The following STARD13 variants were observed in gnomAD, a reference collection of about 807,000 sequenced individuals.
The protein encoded by STARD13 is stAR-related lipid transfer protein 13.
A neutral mutation model predicts 106.4 loss-of-function variants in STARD13; 62 were observed. The observed-to-expected ratio is 0.58, with a 90% CI of 0.48 to 0.72. The LOEUF (loss-of-function observed/expected upper bound fraction) is 0.72, where lower values mean the gene tolerates loss of function less well. Ranked by LOEUF, STARD13 falls within the 30% of genes least tolerant of loss-of-function variation. The pLI, the probability that STARD13 is intolerant of heterozygous loss-of-function variation, is 0.00. For synonymous variants in STARD13, 565 were observed against 553.0 expected (o/e 1.02, Z -0.31); for missense variants, 1,387 against 1,424.0 (o/e 0.97, Z 0.42).
At chr13:33,536,459 C>A in the STARD13 span, among the ~76,000 whole-genome samples, 1 of 152,282 alleles carries the variant, frequency 6.6e-6, no homozygotes, top group East Asian at 1.9e-4. Flanking sequence ...ATTTTCCCAT[C>A]ATGGGAGAGT....
intron 1 of STARD13, among the ~76,000 whole-genome samples, chr13:33,230,231 A>G (rs992966097): frequency 3.3e-5 from 5 of 152,238 alleles, no homozygotes; most frequent in African/African-American, 9.6e-5. Context: ...CAGCTGCAAC[A>G]TAAGATCATC....
chr13:33,322,165 G>A (rs1893585690), intron 1 of STARD13, among the ~76,000 whole-genome samples: 1 of 152,172 alleles, frequency 6.6e-6, no homozygotes, highest in South Asian at 2.1e-4. Context: ...ATTTACCAAT[G>A]TTATATACTG....
chr13:33,341,278 A>G (rs1405377599), intron 1 of STARD13, among the ~76,000 whole-genome samples: 1 of 152,196 alleles, frequency 6.6e-6, no homozygotes, highest in African/African-American at 2.4e-5. Flanking sequence ...TTCATTAGAC[A>G]TGCTCTATGT....
At chr13:33,253,725 T>C (rs1890200211) in intron 1 of STARD13, among the ~76,000 whole-genome samples, 1 of 152,028 alleles carries the variant, frequency 6.6e-6, no homozygotes, top group South Asian at 2.1e-4. Context: ...ATGGCGTTGA[T>C]TCTACTGATT....
chr13:33,304,473 C>T (rs937373694), intron 1 of STARD13, among the ~76,000 whole-genome samples: 1 of 152,096 alleles, frequency 6.6e-6, no homozygotes, highest in Non-Finnish European at 1.5e-5. Context: ...CATCTGTCAA[C>T]ATTCCATGTA....
At chr13:33,270,341 T>C (rs1430028710) in intron 1 of STARD13, among the ~76,000 whole-genome samples, 1 of 152,166 alleles carries the variant, frequency 6.6e-6, no homozygotes, top group Non-Finnish European at 1.5e-5. Flanking sequence ...CAAATATAGT[T>C]ATATTTTGGT....
intron 1 of STARD13, among the ~76,000 whole-genome samples, chr13:33,337,094 A>G (rs1197753496): frequency 2.0e-5 from 3 of 152,156 alleles, no homozygotes; most frequent in African/African-American, 4.8e-5. Flanking sequence ...AACCTATGCA[A>G]TTTTATAAGA....
At chr13:33,555,486 G>T in the STARD13 span, among the ~76,000 whole-genome samples, 3 of 152,288 alleles carry the variant, frequency 2.0e-5, no homozygotes, top group South Asian at 6.2e-4. Context: ...TAATTGGGAG[G>T]TTTGTTTTTA....
At chr13:33,237,974 T>C (rs1889277230) in intron 1 of STARD13, among the ~76,000 whole-genome samples, 1 of 152,240 alleles carries the variant, frequency 6.6e-6, no homozygotes, top group African/African-American at 2.4e-5. Flanking sequence ...ACACATCTTA[T>C]GTAAACGACA....
chr13:33,129,146 G>A lies in STARD13; in HGVS notation c.1531C>T (p.Leu511=), dbSNP rs769480760. The A allele has an allele frequency of 3.1e-5, 50 of 1,614,072 alleles. No homozygotes were observed. The highest frequency in any genetic ancestry group is 4.1e-5 in the Non-Finnish European group (48 of 1,180,038). The change falls in exon 5 of 14, where the codon CTG becomes TTG. Residue 511 remains leucine (L), a synonymous_variant. Transcript: ENST00000336934. ...CCAACCAATGTATCATGAGTTTGCA[G>A]TTCAGGCAAGACATCTTTGGACCAG... The part of the protein sequence containing the change: ...DDWSKDVLPE[L]QTHDTLVGEP...
the STARD13 span, among the ~76,000 whole-genome samples, chr13:33,383,252 G>T: frequency 6.6e-6 from 1 of 152,204 alleles, no homozygotes; most frequent in Non-Finnish European, 1.5e-5. Context: ...TGGCAGTAAG[G>T]CTGGCCACAG....
At chr13:33,598,162 T>C in the STARD13 span, among the ~76,000 whole-genome samples, 2 of 152,192 alleles carry the variant, frequency 1.3e-5, no homozygotes, top group Non-Finnish European at 2.9e-5. Flanking sequence ...GTCTCACTGT[T>C]TCTTGACTTC....
chr13:33,436,811 C>T, the STARD13 span, among the ~76,000 whole-genome samples: 1 of 152,164 alleles, frequency 6.6e-6, no homozygotes, highest in Non-Finnish European at 1.5e-5. Context: ...ATCTCTTTTA[C>T]TTTGGGTTTC....
chr13:33,417,775 G>A, the STARD13 span, among the ~76,000 whole-genome samples: 1 of 152,134 alleles, frequency 6.6e-6, no homozygotes, highest in Non-Finnish European at 1.5e-5. Flanking sequence ...TAAGACTGGG[G>A]GGGAAATGGC....
chr13:33,306,365 A>G (rs1411791973), intron 1 of STARD13, among the ~76,000 whole-genome samples: 1 of 152,238 alleles, frequency 6.6e-6, no homozygotes, highest in East Asian at 1.9e-4. Context: ...ACCCAAAACT[A>G]TAAAAACCCT....
At chr13:33,538,771 A>ATTTT in the STARD13 span, among the ~76,000 whole-genome samples, 1 of 143,096 alleles carries the variant, frequency 7.0e-6, no homozygotes, top group Admixed American at 7.0e-5. Context: ...AAACTATTTA[A>ATTTT]TTTTTTTTTT....
chr13:33,247,354 C>T (rs917959757), intron 1 of STARD13, among the ~76,000 whole-genome samples: 1 of 152,000 alleles, frequency 6.6e-6, no homozygotes, highest in Non-Finnish European at 1.5e-5. Context: ...GGACTTAGTA[C>T]TCAATTCAGC....
chr13:33,659,225 T>TC, the STARD13 span, among the ~76,000 whole-genome samples: 62 of 43,170 alleles, frequency 1.4e-3, no homozygotes, highest in South Asian at 5.3e-3. Flanking sequence ...TTTTTCTTTT[T>TC]TTTTTTTTTT....
At chr13:33,167,473 T>A in intron 2 of STARD13, 78 bp downstream of exon 2, 1 of 1,477,376 alleles carries the variant, frequency 6.8e-7, no homozygotes, top group South Asian at 1.2e-5. Context: ...AATCTGGAAG[T>A]CAAAACACAC....
Sources: allele counts gnomAD v4.1 joint callset (sites outside exome capture counted in the v4.1 genomes callset), GRCh38; gene constraint gnomAD v4.1.1; transcripts MANE v1.5; gene names NCBI Gene and HGNC (gene_info 2026-07-23, HGNC 2026-07-21).